Variants in MLLT3 observed in about 807,000 individuals in gnomAD.
The protein encoded by MLLT3 is protein AF-9.
In MLLT3, 4 loss-of-function variants were observed where a neutral mutation model predicts 53.2. That is an observed-to-expected ratio of 0.08 (90% CI 0.04 to 0.17). The LOEUF (loss-of-function observed/expected upper bound fraction) is 0.17, where lower values mean the gene tolerates loss of function less well. Ranked by LOEUF, MLLT3 falls within the 10% of genes least tolerant of loss-of-function variation. The pLI, the probability that MLLT3 is intolerant of heterozygous loss-of-function variation, is 1.00. For synonymous variants in MLLT3, 283 were observed against 230.6 expected (o/e 1.23, Z -2.06); for missense variants, 569 against 684.0 (o/e 0.83, Z 1.87).
At chr9:20,479,678 A>T (rs1180435977) in intron 2 of MLLT3, among the ~76,000 whole-genome samples, 3 of 152,214 alleles carry the variant, frequency 2.0e-5, no homozygotes, top group African/African-American at 7.2e-5. Context: ...GAGTGATAGT[A>T]TCTGTCCTAG....
At chr9:20,585,120 C>A (rs1819917305) in intron 2 of MLLT3, among the ~76,000 whole-genome samples, 1 of 152,170 alleles carries the variant, frequency 6.6e-6, no homozygotes, top group African/African-American at 2.4e-5. Context: ...TTGTTTCTCA[C>A]AGTTTTGGAG....
At chr9:20,435,013 TA>T (rs1005276258) in intron 4 of MLLT3, among the ~76,000 whole-genome samples, 26 of 151,496 alleles carry the variant, frequency 1.7e-4, no homozygotes, top group East Asian at 1.6e-3. Context: ...TCAGCATTCT[TA>T]AAAAAAAATG....
At chr9:20,574,139 G>A (rs183433908) in intron 2 of MLLT3, among the ~76,000 whole-genome samples, 18 of 152,242 alleles carry the variant, frequency 1.2e-4, no homozygotes, top group Admixed American at 1.1e-3. Context: ...TCAAGATAAT[G>A]TCCAATAATT....
intron 2 of MLLT3, among the ~76,000 whole-genome samples, chr9:20,537,383 G>C (rs928366857): frequency 6.6e-6 from 1 of 152,048 alleles, no homozygotes; most frequent in Non-Finnish European, 1.5e-5. Flanking sequence ...TATTCTTTTT[G>C]TACAAGAAAA....
At chr9:20,597,063 T>C (rs944615752) in intron 2 of MLLT3, among the ~76,000 whole-genome samples, 8 of 152,174 alleles carry the variant, frequency 5.3e-5, no homozygotes, top group Non-Finnish European at 8.8e-5. Flanking sequence ...ATAAATAAAA[T>C]TGTTTCCTTA....
chr9:20,374,802 G>C (rs1407623597), intron 5 of MLLT3, among the ~76,000 whole-genome samples: 3 of 152,146 alleles, frequency 2.0e-5, no homozygotes, highest in Non-Finnish European at 4.4e-5. Flanking sequence ...CCACTAGTAA[G>C]GTGAGTGATA....
chr9:20,402,896 G>A (rs926083056), intron 5 of MLLT3, among the ~76,000 whole-genome samples: 3 of 152,216 alleles, frequency 2.0e-5, no homozygotes, highest in African/African-American at 7.2e-5. Context: ...GGCACAGGCT[G>A]AGATGCTGGA....
intron 4 of MLLT3, among the ~76,000 whole-genome samples, chr9:20,429,714 T>A (rs1301216045): frequency 6.6e-6 from 1 of 152,126 alleles, no homozygotes; most frequent in African/African-American, 2.4e-5. Context: ...CGTTTTCTGA[T>A]AAAATCAAAA....
chr9:20,350,452 G>C (rs956049494), intron 10 of MLLT3, among the ~76,000 whole-genome samples: 6 of 151,602 alleles, frequency 4.0e-5, no homozygotes, highest in Admixed American at 3.9e-4. Flanking sequence ...AAAATTAGCC[G>C]GGCGTGGTGG....
intron 4 of MLLT3, among the ~76,000 whole-genome samples, chr9:20,442,380 C>T (rs1381640341): frequency 2.0e-5 from 3 of 152,160 alleles, no homozygotes; most frequent in Non-Finnish European, 4.4e-5. Flanking sequence ...ATCCTACGGA[C>T]ATATCCATGT....
chr9:20,574,981 T>G (rs956549681), intron 2 of MLLT3, among the ~76,000 whole-genome samples: 10 of 152,240 alleles, frequency 6.6e-5, no homozygotes, highest in African/African-American at 2.4e-4. Context: ...AGGAATGGTT[T>G]CCATCTCAAG....
intron 3 of MLLT3, among the ~76,000 whole-genome samples, chr9:20,456,393 C>T (rs1286178976): frequency 2.0e-5 from 3 of 152,110 alleles, no homozygotes; most frequent in Non-Finnish European, 4.4e-5. Flanking sequence ...AAGCATTTTA[C>T]TGAAAAACTA....
chr9:20,573,293 C>A (rs921509352), intron 2 of MLLT3, among the ~76,000 whole-genome samples: 1 of 151,954 alleles, frequency 6.6e-6, no homozygotes, highest in African/African-American at 2.4e-5. Flanking sequence ...GATCCTCCTG[C>A]CTCGGCCCCA....
At chr9:20,584,640 AC>A (rs1819901587) in intron 2 of MLLT3, among the ~76,000 whole-genome samples, 1 of 152,100 alleles carries the variant, frequency 6.6e-6, no homozygotes, top group Non-Finnish European at 1.5e-5. Flanking sequence ...CCTCTGATAA[AC>A]CCATCAGATC....
At chr9:20,612,490 T>C (rs185981790) in intron 2 of MLLT3, among the ~76,000 whole-genome samples, 26 of 152,074 alleles carry the variant, frequency 1.7e-4, no homozygotes, top group Non-Finnish European at 2.6e-4. Context: ...GCACATCAGT[T>C]TGACAAAATT....
At chr9:20,447,859 T>C (rs558246241) in intron 4 of MLLT3, among the ~76,000 whole-genome samples, 10 of 152,298 alleles carry the variant, frequency 6.6e-5, no homozygotes, top group Admixed American at 6.5e-4. Context: ...TTTGGGGTTT[T>C]GTCATAATTA....
intron 4 of MLLT3, among the ~76,000 whole-genome samples, chr9:20,436,168 G>T (rs1823397134): frequency 6.6e-6 from 1 of 152,118 alleles, no homozygotes; most frequent in African/African-American, 2.4e-5. Flanking sequence ...TTCATATGCT[G>T]ATTAATGTTG....
chr9:20,519,702 T>C (rs1037005973), intron 2 of MLLT3, among the ~76,000 whole-genome samples: 44 of 152,178 alleles, frequency 2.9e-4, no homozygotes, highest in African/African-American at 1.0e-3. Context: ...AAATAACAGA[T>C]GCTGGCAAGG....
chr9:20,539,589 C>T (rs1818573399), intron 2 of MLLT3, among the ~76,000 whole-genome samples: 1 of 152,140 alleles, frequency 6.6e-6, no homozygotes. Context: ...AACTGACTCA[C>T]TATCACAGGA....
Sources: allele counts gnomAD v4.1 joint callset (sites outside exome capture counted in the v4.1 genomes callset), GRCh38; gene constraint gnomAD v4.1.1; transcripts MANE v1.5; gene names NCBI Gene and HGNC (gene_info 2026-07-23, HGNC 2026-07-21).